The following LAMA4 variants were observed in gnomAD, a reference collection of about 807,000 sequenced individuals.
LAMA4 encodes the protein laminin subunit alpha 4.
Under a neutral mutation model 207.1 loss-of-function variants are expected in LAMA4, and 127 were observed. The observed-to-expected ratio is 0.61, with a 90% CI of 0.53 to 0.71. The LOEUF is 0.71. Ranked by LOEUF, LAMA4 falls within the 30% of genes least tolerant of loss-of-function variation. The pLI is 0.00. For missense variants in LAMA4, 2,093 were observed against 2,246.5 expected, an observed-to-expected ratio of 0.93 and a Z score of 1.38; for synonymous variants, 761 against 816.0, an observed-to-expected ratio of 0.93 and a Z score of 1.15.
chr6:112,109,698 A>T, intron 38 of LAMA4, 116 bp from the exon 39 acceptor site: 1 of 1,070,228 alleles, frequency 9.3e-7, no homozygotes, highest in Non-Finnish European at 1.4e-6. Flanking sequence ...TTTACATTTC[A>T]AAAATAGAAC....
intron 27 of LAMA4, 110 bp from the exon 28 acceptor site, chr6:112,133,000 T>C: frequency 8.7e-7 from 1 of 1,146,712 alleles, no homozygotes; most frequent in Non-Finnish European, 1.3e-6. Context: ...CGTAAATAGT[T>C]TATTTTCCCA....
intron 12 of LAMA4, chr6:112,166,373 ACTAT>A (rs1781383569): frequency 6.6e-6 from 1 of 152,234 alleles, no homozygotes; most frequent in African/African-American, 2.4e-5. Context: ...ATACAGTGTG[ACTAT>A]CTGAGATCAA....
intron 19 of LAMA4, 97 bp downstream of exon 19, chr6:112,144,697 C>G: frequency 2.2e-6 from 3 of 1,373,894 alleles, no homozygotes; most frequent in Non-Finnish European, 3.1e-6. Context: ...GAGAATACAG[C>G]AGAAAGGTCC....
At chr6:112,120,527 T>C in intron 32 of LAMA4, 55 bp from the exon 33 acceptor site, 2 of 1,337,632 alleles carry the variant, frequency 1.5e-6, no homozygotes, top group Non-Finnish European at 2.1e-6. Flanking sequence ...GAGGATAATC[T>C]CTAACTTCTT....
At position 112,200,501 on chromosome 6, in the gene LAMA4, T is replaced by A. The variant is rs555507183; in HGVS notation, c.503+1107A>T. Reference sequence around the variant, plus strand: ...ATTCCTCAAGGATCTAGAACCAGAATTACCATTTGACCCAGCAATCCCATT... The same window carrying A: ...ATTCCTCAAGGATCTAGAACCAGAAATACCATTTGACCCAGCAATCCCATT... On this transcript the variant is annotated intron_variant, in intron 5 of 38. Coordinates refer to ENST00000230538, the MANE Select transcript of LAMA4 (RefSeq NM_001105206.3). 7.9e-5 allele frequency among the ~76,000 whole-genome samples: 12 copies of A among 152,238 alleles called. No individual in the cohort carries two copies. The South Asian group carries it at 2.5e-3, about 32-fold the overall frequency.
chr6:112,119,077 A>T, intron 34 of LAMA4, 79 bp downstream of exon 34: 1 of 1,439,178 alleles, frequency 6.9e-7, no homozygotes, highest in Admixed American at 1.7e-5. Context: ...TAGTTTCCTA[A>T]TCTGTGAGAC....
At chr6:112,110,896 T>C (rs587675138) in intron 38 of LAMA4, among the ~76,000 whole-genome samples, 3 of 152,298 alleles carry the variant, frequency 2.0e-5, no homozygotes, top group East Asian at 1.9e-4. Flanking sequence ...TCCTAAGTAA[T>C]TGATTAATGA....
chr6:112,113,360 C>G (rs1554322146), intron 38 of LAMA4, among the ~76,000 whole-genome samples: 1 of 152,176 alleles, frequency 6.6e-6, no homozygotes, highest in Non-Finnish European at 1.5e-5. Context: ...GGTTATTTCC[C>G]TTTTAAATCC....
chr6:112,164,360 G>T (rs1177525609), intron 13 of LAMA4, among the ~76,000 whole-genome samples: 1 of 152,180 alleles, frequency 6.6e-6, no homozygotes, highest in Non-Finnish European at 1.5e-5. Context: ...TGCTCTGGGA[G>T]GGAGGTGCTT....
chr6:112,109,408 T>A lies in LAMA4; in HGVS notation c.*29A>T, dbSNP rs1777571658. The A allele has an allele frequency of 6.2e-7, 1 of 1,613,120 alleles. No homozygotes were observed. The highest frequency in any genetic ancestry group is 1.3e-5 in the African/African-American group (1 of 74,994). Reference sequence around the variant, plus strand: ...GTTTCTTTCAGTGCTCTAAAGAACTTTGTATTTGGGCAGCTGTGCTCTGTC... The same window carrying A: ...GTTTCTTTCAGTGCTCTAAAGAACTATGTATTTGGGCAGCTGTGCTCTGTC... On this transcript the variant is annotated 3_prime_UTR_variant, in exon 39 of 39. Coordinates refer to ENST00000230538, the MANE Select transcript of LAMA4 (RefSeq NM_001105206.3).
chr6:112,209,450 T>C (rs1314979998), intron 3 of LAMA4, among the ~76,000 whole-genome samples: 2 of 152,190 alleles, frequency 1.3e-5, no homozygotes, highest in African/African-American at 4.8e-5. Context: ...CTCTAACTGC[T>C]CAGAATGCAA....
Position 112,187,461 on chromosome 6 carries a change from A to G in LAMA4, c.955T>C (p.Tyr319His). ...ACATTCCTGCGTACTTTGAGGAGGT[A>G]GATGGTGGCGTTGATTTCATTCACG... ...RHVNEINATI[Y>H]LLKTKLSERE... The change falls in exon 8 of 39, where the codon TAC (tyrosine) becomes CAC (histidine). Residue 319 changes from tyrosine (Y) to histidine (H), a missense_variant. This residue lies in a region of LAMA4 where 1,704 missense variants were observed against 1,788.4 expected (regional missense o/e 0.95). Coordinates refer to ENST00000230538, the MANE Select transcript of LAMA4 (RefSeq NM_001105206.3). The G allele has an allele frequency of 6.2e-7, 1 of 1,614,108 alleles. No homozygotes were observed. Among genetic ancestry groups the G allele is most frequent in the South Asian group, 1.1e-5 (1 of 91,076 alleles).
At chr6:112,174,705 C>T (rs1781920321) in intron 11 of LAMA4, among the ~76,000 whole-genome samples, 1 of 152,206 alleles carries the variant, frequency 6.6e-6, no homozygotes, top group Non-Finnish European at 1.5e-5. Context: ...ACTGGCCAGG[C>T]TGGTCTCGAA....
In LAMA4 at chr6:112,119,281, G is replaced by A. The variant is rs1554325261; in HGVS notation, c.4696C>T (p.Arg1566Ter). 11 of 1,613,856 alleles carry A rather than the reference G, an allele frequency of 6.8e-6. No homozygotes were observed. The highest frequency in any genetic ancestry group is 9.3e-6 in the Non-Finnish European group (11 of 1,179,886). Residue 1566 changes from arginine to a stop codon, truncating the protein, a stop_gained, in exon 34 of 39, where the codon CGA becomes TGA. Transcript: ENST00000230538. LOFTEE classifies it high-confidence loss of function. ...ACTCGGAGACCATCAATTACCAGTCGGCCACTGCTCCTTTCTCGAATAAAT... is the reference window on the plus strand; with the variant it reads ...ACTCGGAGACCATCAATTACCAGTCAGCCACTGCTCCTTTCTCGAATAAAT... Reference protein sequence around the residue: ...VIFIRERSSGRLVIDGLRVLE... With the variant: ...VIFIRERSSG
At position 112,195,938 on chromosome 6, in the gene LAMA4, TACACAC is replaced by T. The variant is rs149514155; in HGVS notation, c.504-4094_504-4089del. On this transcript the variant is annotated intron_variant, in intron 5 of 38. Transcript: ENST00000230538. ...TCCTCATCTTTTTAAATGAACTAAGTACACACACACACACACACACACACACACTAC... is the reference window on the plus strand; with the variant it reads ...TCCTCATCTTTTTAAATGAACTAAGTACACACACACACACACACACACTAC... Among the ~76,000 whole-genome samples, 336 of 147,446 alleles carry T rather than the reference TACACAC, an allele frequency of 2.3e-3. 1 individual carries two copies. The highest frequency in any genetic ancestry group is 8.0e-3 in the African/African-American group (323 of 40,282).
chr6:112,198,186 ATTC>A (rs1731856914), intron 5 of LAMA4, among the ~76,000 whole-genome samples: 1 of 152,104 alleles, frequency 6.6e-6, no homozygotes, highest in South Asian at 2.1e-4. Flanking sequence ...AGCCCTGGAT[ATTC>A]TTTTTCAGTG....
chr6:112,146,723 C>G (rs531515709), intron 18 of LAMA4, among the ~76,000 whole-genome samples: 1 of 152,246 alleles, frequency 6.6e-6, no homozygotes, highest in South Asian at 2.1e-4. Flanking sequence ...AGGAAACATC[C>G]CTTCTCTGTA....
intron 31 of LAMA4, among the ~76,000 whole-genome samples, chr6:112,123,268 A>G (rs1778483577): frequency 1.3e-5 from 2 of 152,234 alleles, no homozygotes. Flanking sequence ...ACAAAAATTC[A>G]GGATTACTGA....
chr6:112,224,792 G>A (rs1268054377), intron 2 of LAMA4, among the ~76,000 whole-genome samples: 2 of 148,018 alleles, frequency 1.4e-5, no homozygotes, highest in African/African-American at 2.5e-5. Flanking sequence ...CTCCAGCCTG[G>A]GCGACAGAGC....
Sources: gnomAD v4.1 joint callset for allele counts (sites outside exome capture counted in the v4.1 genomes callset) on GRCh38, gnomAD v4.1.1 for gene constraint, gnomAD v4.1.1 regional missense constraint, MANE v1.5 for transcripts, NCBI Gene and HGNC (gene_info 2026-07-23, HGNC 2026-07-21) for gene names.